FMNL2: variants seen among roughly 807,000 people sequenced by gnomAD.
FMNL2 encodes the protein formin like 2.
FMNL2 carries 51 observed loss-of-function variants against 130.2 expected under a neutral mutation model. The observed-to-expected ratio is 0.39, with a 90% CI of 0.31 to 0.49. The LOEUF is 0.49. Among genes scored for constraint, FMNL2 ranks in the 20% least tolerant of loss-of-function variants. FMNL2 has a pLI of 0.85. For synonymous variants in FMNL2, 465 were observed against 467.1 expected, an observed-to-expected ratio of 1.00 and a Z score of 0.06; for missense variants, 977 against 1,316.2, an observed-to-expected ratio of 0.74 and a Z score of 3.99.
At chr2:152,630,307 A>G (rs1682073434) in intron 20 of FMNL2, among the ~76,000 whole-genome samples, 1 of 152,250 alleles carries the variant, frequency 6.6e-6, no homozygotes, top group African/African-American at 2.4e-5. Context: ...AAAGCAGGGT[A>G]TGCTTTGCAT....
intron 23 of FMNL2, 135 bp from the exon 24 acceptor site, chr2:152,639,822 TA>T: frequency 1.4e-6 from 1 of 709,070 alleles, no homozygotes; most frequent in South Asian, 2.0e-5. Flanking sequence ...AATACAGGCA[TA>T]AAGTGTAGAT....
intron 1 of FMNL2, among the ~76,000 whole-genome samples, chr2:152,504,976 A>T (rs1692075605): frequency 6.6e-6 from 1 of 152,236 alleles, no homozygotes; most frequent in Non-Finnish European, 1.5e-5. Context: ...TTTGTCTTGA[A>T]ATGCCATCAC....
chr2:152,480,420 C>T (rs1029834876), intron 1 of FMNL2, among the ~76,000 whole-genome samples: 2 of 151,934 alleles, frequency 1.3e-5, no homozygotes, highest in African/African-American at 4.8e-5. Context: ...CACCTGCGGT[C>T]GGAGTCCAGA....
In FMNL2 at chr2:152,537,536, T is replaced by A. The variant is rs1052122079; in HGVS notation, c.202-5203T>A. 2.0e-5 allele frequency among the ~76,000 whole-genome samples: 3 copies of A among 152,244 alleles called. No individual in the cohort carries two copies. In the South Asian group the frequency reaches 6.2e-4, roughly 31 times the overall value. On this transcript the variant is annotated intron_variant, in intron 2 of 25. Transcript: ENST00000288670. ...CTCTGACGTGAGCTTGACTAACTTA[T>A]GTCTACTGAACCTGCTGGGGTACAT...
chr2:152,568,328 G>T (rs929217916), intron 6 of FMNL2, among the ~76,000 whole-genome samples: 1 of 148,078 alleles, frequency 6.8e-6, no homozygotes, highest in Non-Finnish European at 1.5e-5. Flanking sequence ...CAATTCTTTT[G>T]CCTCACCCTC....
At chr2:152,445,173 T>G (rs952306980) in intron 1 of FMNL2, among the ~76,000 whole-genome samples, 1 of 152,236 alleles carries the variant, frequency 6.6e-6, no homozygotes, top group African/African-American at 2.4e-5. Flanking sequence ...TCTTTTACAC[T>G]CCAGTCTGTG....
chr2:152,560,979 C>T lies in FMNL2; in HGVS notation c.540C>T (p.Asn180=). The part of the protein sequence containing the change: ...RSIEDLHRGS[N]LPSPVGNSVS... The stretch of plus-strand genomic sequence containing the variant: ...TCGAGGACCTGCACAGAGGGAGCAA[C>T]CTGCCCTCACCTGTGGGCAACAGTG... The change falls in exon 6 of 26, where the codon AAC becomes AAT. Residue 180 remains asparagine, a synonymous_variant. Transcript: ENST00000288670. The T allele has an allele frequency of 1.2e-6, 2 of 1,606,038 alleles. No individual in the cohort carries two copies. The highest frequency in any genetic ancestry group is 3.4e-5 in the Admixed American group (2 of 58,782).
chr2:152,521,352 T>C (rs1693075384), intron 1 of FMNL2, among the ~76,000 whole-genome samples: 1 of 152,204 alleles, frequency 6.6e-6, no homozygotes, highest in Non-Finnish European at 1.5e-5. Context: ...TACTGCAAAC[T>C]CACCTTCATA....
At chr2:152,502,125 C>T (rs1040243882) in intron 1 of FMNL2, among the ~76,000 whole-genome samples, 4 of 152,200 alleles carry the variant, frequency 2.6e-5, no homozygotes, top group East Asian at 1.9e-4. Flanking sequence ...TTATTTTGGG[C>T]GAGGTGGCGC....
intron 2 of FMNL2, among the ~76,000 whole-genome samples, chr2:152,522,965 G>T (rs1693175597): frequency 6.6e-6 from 1 of 152,058 alleles, no homozygotes; most frequent in Non-Finnish European, 1.5e-5. Flanking sequence ...TTATGACTGT[G>T]GGGTGGTGTT....
chr2:152,479,718 G>GTTTTTTTTT (rs749726414), intron 1 of FMNL2, among the ~76,000 whole-genome samples: 2 of 96,734 alleles, frequency 2.1e-5, no homozygotes. Flanking sequence ...GTTGTGGGTT[G>GTTTTTTTTT]TTTTTTTTTT....
At chr2:152,484,759 C>T (rs1045414286) in intron 1 of FMNL2, among the ~76,000 whole-genome samples, 4 of 152,082 alleles carry the variant, frequency 2.6e-5, no homozygotes, top group African/African-American at 9.7e-5. Flanking sequence ...GAGACCCTGT[C>T]TCTAAAACAT....
intron 1 of FMNL2, among the ~76,000 whole-genome samples, chr2:152,509,918 A>T (rs1219411174): frequency 6.6e-6 from 1 of 151,220 alleles, no homozygotes. Flanking sequence ...CCAATTAAAA[A>T]AGTTTCTCTT....
intron 1 of FMNL2, among the ~76,000 whole-genome samples, chr2:152,483,518 C>T (rs1443471201): frequency 6.6e-6 from 1 of 152,160 alleles, no homozygotes. Context: ...CTAGACCTGG[C>T]GATGGAAACT....
intron 6 of FMNL2, among the ~76,000 whole-genome samples, chr2:152,566,889 A>G (rs1394477790): frequency 6.6e-6 from 1 of 152,138 alleles, no homozygotes; most frequent in Non-Finnish European, 1.5e-5. Context: ...GGTGGCTGGG[A>G]AAAGGGAGAA....
intron 15 of FMNL2, 36 bp downstream of exon 15, chr2:152,619,754 C>T (rs1408020143): frequency 3.8e-6 from 6 of 1,588,312 alleles, no homozygotes; most frequent in Non-Finnish European, 4.3e-6. Context: ...GTACTCATAT[C>T]AGAAATGCTG....
In FMNL2 at chr2:152,629,720, T is replaced by A. The variant is rs779748849; in HGVS notation, c.2465T>A (p.Leu822Gln). ...TCGTCCCAAAAACTCAAGAAAATTC[T>A]GGAGGCAAGTGCAGTTTTTCTTGTA... ...IKSSQKLKKI[L>Q]EIILALGNYM... is the part of the protein sequence containing the mutation. Residue 822 changes from leucine (L) to glutamine (Q), a missense_variant, in exon 19 of 26, where the codon CTG becomes CAG. Physicochemically the swap from Leu to Gln is moderately radical, Grantham distance 113. Transcript: ENST00000288670. 1 of 1,601,372 alleles carries A rather than the reference T, an allele frequency of 6.2e-7. No homozygotes were observed. Among genetic ancestry groups the A allele is most frequent in the Non-Finnish European group, 8.5e-7 (1 of 1,173,224 alleles).
chr2:152,561,494 C>T (rs1408328777), intron 6 of FMNL2, among the ~76,000 whole-genome samples: 1 of 151,788 alleles, frequency 6.6e-6, no homozygotes, highest in Admixed American at 6.6e-5. Context: ...GCCATAGGTA[C>T]AGAATGCTGT....
intron 1 of FMNL2, among the ~76,000 whole-genome samples, chr2:152,352,376 C>G (rs1027447668): frequency 9.9e-5 from 15 of 152,168 alleles, no homozygotes; most frequent in Non-Finnish European, 1.9e-4. Flanking sequence ...AGTTAAAAAT[C>G]TTACCTGAGA....
Sources: allele counts gnomAD v4.1 joint callset (sites outside exome capture counted in the v4.1 genomes callset), GRCh38; gene constraint gnomAD v4.1.1; transcripts MANE v1.5; gene names NCBI Gene and HGNC (gene_info 2026-07-23, HGNC 2026-07-21).